Variants in UHRF2 observed in about 807,000 individuals in gnomAD.
UHRF2 encodes E3 ubiquitin-protein ligase UHRF2.
In UHRF2, 23 loss-of-function variants were observed where a neutral mutation model predicts 96.8. The observed-to-expected ratio is 0.24, with a 90% CI of 0.17 to 0.34. UHRF2 has a LOEUF of 0.34. Among genes scored for constraint, UHRF2 ranks in the 10% least tolerant of loss-of-function variants. The pLI is 1.00. For synonymous variants in UHRF2, 385 were observed against 332.6 expected, an observed-to-expected ratio of 1.16 and a Z score of -1.72; for missense variants, 685 against 981.5, an observed-to-expected ratio of 0.70 and a Z score of 4.04.
At chr9:6,441,709 T>C (rs930416205) in intron 3 of UHRF2, among the ~76,000 whole-genome samples, 10 of 152,108 alleles carry the variant, frequency 6.6e-5, no homozygotes, top group African/African-American at 2.4e-4. Context: ...ATTCTTATTT[T>C]AGTATGTCTA....
At chr9:6,496,566 C>T (rs550285034) in intron 10 of UHRF2, 1 of 152,168 alleles carries the variant, frequency 6.6e-6, no homozygotes, top group Non-Finnish European at 1.5e-5. Context: ...GTAGTGATCT[C>T]AAGCAGCCAG....
At chr9:6,421,225 T>A in intron 2 of UHRF2, 83 bp downstream of exon 2, 5 of 1,034,292 alleles carry the variant, frequency 4.8e-6, no homozygotes, top group Non-Finnish European at 7.0e-6. Flanking sequence ...TAAGTAAACA[T>A]TGATTGCCAT....
rs142630358 is a variant in UHRF2, at chr9:6,421,575, C to A, written c.384+433C>A. Among the ~76,000 whole-genome samples the A allele has an allele frequency of 2.8e-3, 423 of 152,194 alleles. 3 individuals carry two copies. Among genetic ancestry groups the A allele is most frequent in the African/African-American group, 9.8e-3 (407 of 41,524 alleles). Reference sequence around the variant, plus strand: ...GGGATTACAGACGTGCACCACCACGCCCGGCTAATTTTTGTATTTTTAGTA... The same window carrying A: ...GGGATTACAGACGTGCACCACCACGACCGGCTAATTTTTGTATTTTTAGTA... On this transcript the variant is annotated intron_variant, in intron 2 of 15. Coordinates refer to ENST00000276893, the MANE Select transcript of UHRF2 (RefSeq NM_152896.3).
rs553646045 is a variant in UHRF2, at chr9:6,444,890, C to T, written c.644+10717C>T. On this transcript the variant is annotated intron_variant, in intron 3 of 15. Transcript: ENST00000276893. Reference sequence around the variant, plus strand: ...GTGCTGGGATTACAGGCATGAGCCACCAAGTCCAGCCTAGGAATCTGCTTT... The same window carrying T: ...GTGCTGGGATTACAGGCATGAGCCATCAAGTCCAGCCTAGGAATCTGCTTT... Among the ~76,000 whole-genome samples, 188 of 152,212 alleles carry T rather than the reference C, an allele frequency of 1.2e-3. No individual in the cohort carries two copies. In the Middle Eastern group the frequency reaches 0.017, roughly 14 times the overall value.
In UHRF2 at chr9:6,497,424, C is replaced by T. The variant is rs139202850; in HGVS notation, c.1767+64C>T. 325 of 1,574,108 alleles carry T rather than the reference C, an allele frequency of 2.1e-4. 1 individual carries two copies. In the African/African-American group the frequency reaches 3.4e-3, roughly 17 times the overall value. On this transcript the variant is annotated intron_variant, in intron 11 of 15. Coordinates refer to ENST00000276893, the MANE Select transcript of UHRF2 (RefSeq NM_152896.3). ...CTGGGCTTTCAAGGCAGGGTTGTTGCAAGGAACTACTGTGGGTGGGCTCGA... is the reference window on the plus strand; with the variant it reads ...CTGGGCTTTCAAGGCAGGGTTGTTGTAAGGAACTACTGTGGGTGGGCTCGA...
At chr9:6,425,890 TATA>T (rs1820230257) in intron 2 of UHRF2, among the ~76,000 whole-genome samples, 1 of 152,254 alleles carries the variant, frequency 6.6e-6, no homozygotes, top group South Asian at 2.1e-4. Context: ...CTAACCTGTG[TATA>T]TATACATCTA....
At chr9:6,485,974 T>C (rs1824268223) in intron 8 of UHRF2, among the ~76,000 whole-genome samples, 1 of 151,910 alleles carries the variant, frequency 6.6e-6, no homozygotes, top group Non-Finnish European at 1.5e-5. Context: ...GAAGTAGAAA[T>C]GGATAGCATG....
chr9:6,434,337 CT>C, intron 3 of UHRF2, 164 bp downstream of exon 3: 4 of 738,360 alleles, frequency 5.4e-6, no homozygotes, highest in Non-Finnish European at 8.3e-6. Flanking sequence ...TTTAAAGGTC[CT>C]TTTAGCTCTC....
chr9:6,493,737 T>C (rs1017451651), intron 9 of UHRF2, 89 bp from the exon 10 acceptor site: 8 of 1,143,280 alleles, frequency 7.0e-6, no homozygotes, highest in Non-Finnish European at 9.9e-6. Flanking sequence ...ACTCATAACA[T>C]CCTAATGAAA....
chr9:6,490,945 C>G (rs1824618475), intron 9 of UHRF2, among the ~76,000 whole-genome samples: 1 of 152,120 alleles, frequency 6.6e-6, no homozygotes, highest in Admixed American at 6.5e-5. Context: ...AAGCTTTTCA[C>G]ATTTAAGAAA....
Position 6,477,808 on chromosome 9 carries a change from G to A in UHRF2, c.1160G>A (p.Trp387Ter). The change falls in exon 6 of 16, where the codon TGG becomes TAG. Residue 387 changes from tryptophan to a stop codon, truncating the protein, a stop_gained and splice_region_variant. Transcript: ENST00000276893. LOFTEE classifies it high-confidence loss of function. The stretch of plus-strand genomic sequence containing the variant: ...GATAAAGTCCCAGAAGAGGAATACT[G>A]GTATGATTATCAGGTTTTTGTTGTT... Reference protein sequence around the residue: ...PLDKVPEEEYWYCPSCKTDSS... With the variant: ...PLDKVPEEEY 1 of 1,586,564 alleles carries A rather than the reference G, an allele frequency of 6.3e-7. No homozygotes were observed. The highest frequency in any genetic ancestry group is 8.6e-7 in the Non-Finnish European group (1 of 1,161,862).
chr9:6,475,378 C>CT lies in UHRF2; in HGVS notation c.864-7dup, dbSNP rs761315040. On this transcript the variant is annotated splice_polypyrimidine_tract_variant and intron_variant, in intron 4 of 15. Coordinates refer to ENST00000276893, the MANE Select transcript of UHRF2 (RefSeq NM_152896.3). ...TGCTGGCAGAAGTTAACCTTTCTTC[C>CT]TTTTTTAAACAGGGGTTCTGAAGGA... The CT allele has an allele frequency of 9.4e-6, 14 of 1,485,934 alleles. No individual in the cohort carries two copies. Among genetic ancestry groups the CT allele is most frequent in the South Asian group, 3.0e-5 (2 of 67,140 alleles). The allele number at this position is 1,485,934 out of a possible 1,614,324, so 92.0% of individuals were successfully genotyped here.
intron 4 of UHRF2, among the ~76,000 whole-genome samples, chr9:6,474,434 G>A (rs914312822): frequency 1.3e-5 from 2 of 152,160 alleles, no homozygotes; most frequent in South Asian, 4.1e-4. Flanking sequence ...GGCTGGGTGT[G>A]GTAACTCATG....
At chr9:6,482,318 G>A (rs995939454) in intron 8 of UHRF2, among the ~76,000 whole-genome samples, 1 of 152,156 alleles carries the variant, frequency 6.6e-6, no homozygotes, top group African/African-American at 2.4e-5. Context: ...TGTTTTTACT[G>A]TTCTGTTATA....
Position 6,457,192 on chromosome 9 carries a change from G to T in UHRF2, c.645-3381G>T, listed in dbSNP as rs528879828. 1.5e-3 allele frequency among the ~76,000 whole-genome samples: 228 copies of T among 152,158 alleles called. 1 individual carries two copies. Among genetic ancestry groups the T allele is most frequent in the African/African-American group, 5.3e-3 (219 of 41,524 alleles). On this transcript the variant is annotated intron_variant, in intron 3 of 15. Coordinates refer to ENST00000276893, the MANE Select transcript of UHRF2 (RefSeq NM_152896.3). ...TCCTCTTTTTTTTCGTTGAGCAGTGGTTTGTAGTTCTTTTTGGTGAGGTCC... is the reference window on the plus strand; with the variant it reads ...TCCTCTTTTTTTTCGTTGAGCAGTGTTTTGTAGTTCTTTTTGGTGAGGTCC...
intron 8 of UHRF2, 77 bp downstream of exon 8, chr9:6,482,176 T>A: frequency 8.7e-7 from 1 of 1,153,182 alleles, no homozygotes; most frequent in Non-Finnish European, 1.3e-6. Flanking sequence ...CTGTTGATTG[T>A]AAGTGAACCT....
Position 6,506,881 on chromosome 9 carries a change from T to G in UHRF2, c.*702T>G, listed in dbSNP as rs1816610700. On this transcript the variant is annotated 3_prime_UTR_variant, in exon 16 of 16. Transcript: ENST00000276893. ...TTGTAAATGTTCATGAAAATCCACT[T>G]CTCTACTAGTCGAACTGCTTTTAGT... 1 of 152,670 alleles carries G rather than the reference T, an allele frequency of 6.6e-6. No homozygotes were observed. Among genetic ancestry groups the G allele is most frequent in the African/African-American group, 2.4e-5 (1 of 41,466 alleles). 9.5% of individuals were successfully genotyped at this position (152,670 alleles called of 1,614,324 possible).
At chr9:6,425,480 C>T (rs543406953) in intron 2 of UHRF2, among the ~76,000 whole-genome samples, 4 of 152,108 alleles carry the variant, frequency 2.6e-5, no homozygotes, top group African/African-American at 4.8e-5. Context: ...AGAGGCCGGG[C>T]GCAGTGGCTC....
chr9:6,437,952 T>C (rs1192789072), intron 3 of UHRF2, among the ~76,000 whole-genome samples: 1 of 152,198 alleles, frequency 6.6e-6, no homozygotes, highest in Non-Finnish European at 1.5e-5. Context: ...AACCAGATGA[T>C]GCTGCTGTTG....
Sources: gnomAD v4.1 joint callset for allele counts (sites outside exome capture counted in the v4.1 genomes callset) on GRCh38, gnomAD v4.1.1 for gene constraint, MANE v1.5 for transcripts, NCBI Gene and HGNC (gene_info 2026-07-23, HGNC 2026-07-21) for gene names.